Variants in PDE1C observed in about 807,000 individuals in gnomAD.
The protein encoded by PDE1C is phosphodiesterase 1C, also known as dual specificity calcium/calmodulin-dependent 3',5'-cyclic nucleotide phosphodiesterase 1C.
In PDE1C, 62 loss-of-function variants were observed where a neutral mutation model predicts 93.1. The observed-to-expected ratio is 0.67, with a 90% CI of 0.54 to 0.82. The LOEUF is 0.82. Among genes scored for constraint, PDE1C ranks in the 40% least tolerant of loss-of-function variants. The pLI is 0.00. For missense variants in PDE1C, 742 were observed against 884.6 expected, an observed-to-expected ratio of 0.84 and a Z score of 2.04; for synonymous variants, 325 against 310.1, an observed-to-expected ratio of 1.05 and a Z score of -0.50.
chr7:31,620,451 C>T, the PDE1C span, among the ~76,000 whole-genome samples: 14 of 151,528 alleles, frequency 9.2e-5, no homozygotes, highest in South Asian at 2.1e-4. Flanking sequence ...TCGAGATTCA[C>T]GAAAAATACC....
chr7:32,139,927 T>C (rs1486126685), intron 3 of PDE1C, among the ~76,000 whole-genome samples: 1 of 152,032 alleles, frequency 6.6e-6, no homozygotes, highest in African/African-American at 2.4e-5. Flanking sequence ...CTAACCATCA[T>C]GCTGAGGATG....
intron 3 of PDE1C, among the ~76,000 whole-genome samples, chr7:32,106,322 G>A (rs1273016953): frequency 1.3e-5 from 2 of 152,094 alleles, no homozygotes; most frequent in African/African-American, 4.8e-5. Context: ...GGGATTATAG[G>A]TGCAAGCCAC....
chr7:32,148,554 C>G (rs1801051048), intron 3 of PDE1C, among the ~76,000 whole-genome samples: 1 of 152,092 alleles, frequency 6.6e-6, no homozygotes, highest in Non-Finnish European at 1.5e-5. Flanking sequence ...CTAAATTGAT[C>G]TTAGCTTCTA....
chr7:31,652,655 C>G, the PDE1C span: 4 of 1,613,808 alleles, frequency 2.5e-6, no homozygotes, highest in Non-Finnish European at 3.4e-6. Context: ...TGTTTCCTCC[C>G]GATGATGGCC....
chr7:31,815,887 C>T (rs1346823088), intron 15 of PDE1C, 37 bp downstream of exon 15: 1 of 1,443,192 alleles, frequency 6.9e-7, no homozygotes. Context: ...TCATTAATGC[C>T]GCGAAAAGAG....
chr7:31,936,245 T>C (rs1805049178), intron 2 of PDE1C, among the ~76,000 whole-genome samples: 1 of 152,186 alleles, frequency 6.6e-6, no homozygotes, highest in Non-Finnish European at 1.5e-5. Flanking sequence ...ACCTATCATG[T>C]GGGTTGGGAT....
intron 2 of PDE1C, among the ~76,000 whole-genome samples, chr7:31,933,611 T>C (rs1381579617): frequency 6.6e-6 from 1 of 152,216 alleles, no homozygotes; most frequent in Non-Finnish European, 1.5e-5. Context: ...TCATGTTGAA[T>C]TGTAATCCTC....
chr7:31,679,714 T>C, the PDE1C span, among the ~76,000 whole-genome samples: 3 of 152,204 alleles, frequency 2.0e-5, no homozygotes, highest in African/African-American at 7.2e-5. Context: ...CCATAAACGG[T>C]GCGTTGTGTC....
chr7:32,044,134 T>C (rs1792202760), intron 2 of PDE1C, among the ~76,000 whole-genome samples: 1 of 152,144 alleles, frequency 6.6e-6, no homozygotes, highest in South Asian at 2.1e-4. Flanking sequence ...CTAACTCTTA[T>C]ACAGAATTAG....
At chr7:32,405,155 A>G (rs1562709906) in intron 1 of PDE1C, among the ~76,000 whole-genome samples, 1 of 152,184 alleles carries the variant, frequency 6.6e-6, no homozygotes, top group Non-Finnish European at 1.5e-5. Flanking sequence ...TCAAACCCAA[A>G]CAACAGCAGA....
Position 31,753,530 on chromosome 7 carries a change from A to C in PDE1C, c.1984T>G (p.Phe662Val). ...CTAGATGCGTAAGCAGGGCGTTTAA[A>C]ATGACGCAAAGGAGGCTTGATGACT... Reference protein sequence around the residue: ...LPVIKPPLRHFKRPAYASSSY... With the variant: ...LPVIKPPLRHVKRPAYASSSY... Residue 662 changes from phenylalanine to valine, a missense_variant, in exon 18 of 18, where the codon TTT becomes GTT. Physicochemically the swap from Phe to Val is conservative, Grantham distance 50 (BLOSUM62 -1). This residue lies in a region of PDE1C where 454 missense variants were observed against 459.4 expected (regional missense o/e 0.99). Coordinates refer to ENST00000396191, the MANE Select transcript of PDE1C (RefSeq NM_001191057.4). The C allele has an allele frequency of 6.2e-7, 1 of 1,611,210 alleles. No homozygotes were observed. The highest frequency in any genetic ancestry group is 8.5e-7 in the Non-Finnish European group (1 of 1,179,180).
At chr7:32,037,203 G>C (rs1791222888) in intron 2 of PDE1C, among the ~76,000 whole-genome samples, 1 of 152,068 alleles carries the variant, frequency 6.6e-6, no homozygotes, top group South Asian at 2.1e-4. Flanking sequence ...TGGTTTCTTT[G>C]AAATGGGCCA....
the PDE1C span, among the ~76,000 whole-genome samples, chr7:31,724,010 A>T: frequency 8.5e-5 from 13 of 152,204 alleles, no homozygotes; most frequent in African/African-American, 3.1e-4. Flanking sequence ...AAAAGAAGCT[A>T]AAACCCCACG....
At chr7:31,766,375 C>T (rs1795148786) in intron 17 of PDE1C, among the ~76,000 whole-genome samples, 1 of 135,888 alleles carries the variant, frequency 7.4e-6, no homozygotes, top group African/African-American at 2.6e-5. Flanking sequence ...CAGAGCAAGA[C>T]TGTGTCTCAA....
intron 1 of PDE1C, among the ~76,000 whole-genome samples, chr7:32,390,619 G>A (rs1036257002): frequency 6.6e-6 from 1 of 151,436 alleles, no homozygotes; most frequent in Non-Finnish European, 1.5e-5. Context: ...GGCCAAGGCA[G>A]GAGGATCACT....
At position 32,019,299 on chromosome 7, in the gene PDE1C, G is replaced by A. The variant is rs117399817; in HGVS notation, c.128+32255C>T. 6.0e-3 allele frequency among the ~76,000 whole-genome samples: 920 copies of A among 152,168 alleles called. 4 individuals are homozygous for A. The highest frequency in any genetic ancestry group is 0.014 in the Middle Eastern group (4 of 294). ...GAGTTAGTGAGAAAATGTGCTGAAA[G>A]AAGGAATCAATTGTGTTCTGGGCAG... On this transcript the variant is annotated intron_variant, in intron 2 of 17. Coordinates refer to ENST00000396191, the MANE Select transcript of PDE1C (RefSeq NM_001191057.4).
intron 16 of PDE1C, chr7:31,789,380 G>C (rs1184461723): frequency 1.3e-5 from 2 of 152,154 alleles, no homozygotes; most frequent in Non-Finnish European, 1.5e-5. Flanking sequence ...AATTCCCTTA[G>C]CACTTTACTG....
At chr7:31,839,974 TTGCAATGAGGTGATATCATGC>T (rs1458247537) in intron 9 of PDE1C, among the ~76,000 whole-genome samples, 1 of 152,120 alleles carries the variant, frequency 6.6e-6, no homozygotes, top group East Asian at 1.9e-4. Context: ...GAGGTGGAAG[TTGCAATGAGGTGATATCATGC>T]CACTGCACTC....
At chr7:32,167,872 T>C (rs1482356489) in intron 3 of PDE1C, among the ~76,000 whole-genome samples, 2 of 152,190 alleles carry the variant, frequency 1.3e-5, no homozygotes, top group Non-Finnish European at 2.9e-5. Flanking sequence ...TAACCTTGAT[T>C]ATGCTCTGAT....
Sources: allele counts gnomAD v4.1 joint callset (sites outside exome capture counted in the v4.1 genomes callset), GRCh38; gene constraint gnomAD v4.1.1; regional missense constraint gnomAD v4.1.1; transcripts MANE v1.5; gene names NCBI Gene and HGNC (gene_info 2026-07-23, HGNC 2026-07-21).